STK32B: variants seen among roughly 807,000 people sequenced by gnomAD.
The protein encoded by STK32B is serine/threonine kinase 32B.
A neutral mutation model predicts 52.6 loss-of-function variants in STK32B; 43 were observed. The ratio of observed to expected loss-of-function variants is 0.82; its 90% confidence interval spans 0.64 to 1.05. The LOEUF is 1.05. Among genes scored for constraint, STK32B ranks in the 50% least tolerant of loss-of-function variants. The pLI, the probability that STK32B is intolerant of heterozygous loss-of-function variation, is 0.00. For synonymous variants in STK32B, 238 were observed against 204.3 expected (o/e 1.17, Z -1.41); for missense variants, 621 against 534.6 (o/e 1.16, Z -1.59).
chr4:5,127,078 T>A (rs1468998547), intron 1 of STK32B: 1 of 508,354 alleles, frequency 2.0e-6, no homozygotes, highest in Non-Finnish European at 3.9e-6. Flanking sequence ...GCTGCCTAAG[T>A]GCTTTATTCA....
At chr4:5,243,640 T>C (rs375714587) in intron 3 of STK32B, among the ~76,000 whole-genome samples, 58 of 152,088 alleles carry the variant, frequency 3.8e-4, no homozygotes, top group Admixed American at 1.8e-3. Context: ...TGAGAGAGGG[T>C]ATCCCTGTCT....
intron 4 of STK32B, among the ~76,000 whole-genome samples, chr4:5,337,085 C>T (rs1732756353): frequency 6.6e-6 from 1 of 151,982 alleles, no homozygotes; most frequent in Non-Finnish European, 1.5e-5. Flanking sequence ...CTCAAGTGAT[C>T]CTCCCACCTC....
At chr4:5,477,163 G>A (rs749195688) in intron 11 of STK32B, among the ~76,000 whole-genome samples, 2 of 152,104 alleles carry the variant, frequency 1.3e-5, no homozygotes, top group South Asian at 2.1e-4. Context: ...TGTAACCCTC[G>A]ATTTCTCCTC....
intron 3 of STK32B, among the ~76,000 whole-genome samples, chr4:5,296,725 A>G (rs1250863408): frequency 6.6e-6 from 1 of 152,162 alleles, no homozygotes; most frequent in Non-Finnish European, 1.5e-5. Flanking sequence ...CCAATTTGCC[A>G]GTCTGTGCCT....
intron 2 of STK32B, among the ~76,000 whole-genome samples, chr4:5,156,093 A>ATATACATATATACACTCAATGTATATG (rs1328422111): frequency 1.3e-5 from 2 of 151,994 alleles, no homozygotes; most frequent in East Asian, 3.9e-4. Flanking sequence ...ATGTATATGC[A>ATATACATATATACACTCAATGTATATG]TATACATATA....
intron 3 of STK32B, among the ~76,000 whole-genome samples, chr4:5,223,674 A>C (rs1222741061): frequency 6.6e-6 from 1 of 151,980 alleles, no homozygotes. Flanking sequence ...AAAATTAGCC[A>C]GGCGTGGTGG....
chr4:5,458,225 G>A (rs1268487164), intron 8 of STK32B, among the ~76,000 whole-genome samples: 1 of 152,176 alleles, frequency 6.6e-6, no homozygotes, highest in Non-Finnish European at 1.5e-5. Flanking sequence ...GGGAGATCTT[G>A]GTGCCCTGCC....
At chr4:5,462,396 G>A (rs534106137) in intron 9 of STK32B, among the ~76,000 whole-genome samples, 2 of 148,796 alleles carry the variant, frequency 1.3e-5, no homozygotes, top group South Asian at 2.1e-4. Context: ...CTGTGTGTGT[G>A]TGTGCATCTG....
intron 7 of STK32B, among the ~76,000 whole-genome samples, chr4:5,454,071 C>T (rs1483098915): frequency 1.3e-5 from 2 of 152,154 alleles, no homozygotes; most frequent in Non-Finnish European, 2.9e-5. Flanking sequence ...ATTCCACCCC[C>T]GACCTCTCTT....
chr4:5,290,167 C>T (rs1023822861), intron 3 of STK32B, among the ~76,000 whole-genome samples: 3 of 152,104 alleles, frequency 2.0e-5, no homozygotes, highest in Non-Finnish European at 2.9e-5. Flanking sequence ...CAGCCACGGA[C>T]GCCCATCTTC....
the STK32B span, among the ~76,000 whole-genome samples, chr4:5,032,587 C>T: frequency 6.6e-6 from 1 of 151,238 alleles, no homozygotes; most frequent in Non-Finnish European, 1.5e-5. Context: ...TGACCAGTTT[C>T]TAGAGCTATA....
At chr4:5,457,504 C>T (rs535088761) in intron 8 of STK32B, among the ~76,000 whole-genome samples, 46 of 151,278 alleles carry the variant, frequency 3.0e-4, no homozygotes, top group African/African-American at 1.0e-3. Flanking sequence ...CGTGAGCCAC[C>T]GTGCCCAGCC....
intron 1 of STK32B, among the ~76,000 whole-genome samples, chr4:5,130,588 C>G (rs935034347): frequency 1.3e-5 from 2 of 152,076 alleles, no homozygotes; most frequent in Non-Finnish European, 2.9e-5. Flanking sequence ...CTGCAGTGGT[C>G]TAATCTGTTG....
rs553223032 is a variant in STK32B at position 5,355,452 on chromosome 4, T to C, written c.434+24059T>C. Among the ~76,000 whole-genome samples the C allele has an allele frequency of 2.0e-5, 3 of 152,330 alleles. No homozygotes were observed. In the South Asian group the frequency reaches 6.2e-4, roughly 32 times the overall value. On this transcript the variant is annotated intron_variant, in intron 4 of 11. Transcript: ENST00000282908. Reference sequence around the variant, plus strand: ...TCTTCTTCCTTTGCATGATTATCTCTCTTTAAGAAATGCTTTTATTTGTTC... The same window carrying C: ...TCTTCTTCCTTTGCATGATTATCTCCCTTTAAGAAATGCTTTTATTTGTTC...
chr4:5,253,205 C>T (rs940040667), intron 3 of STK32B, among the ~76,000 whole-genome samples: 1 of 152,068 alleles, frequency 6.6e-6, no homozygotes, highest in Non-Finnish European at 1.5e-5. Flanking sequence ...TTACATTGCT[C>T]CCTCTGTCTA....
Position 5,349,532 on chromosome 4 carries a change from T to A in STK32B, c.434+18139T>A, listed in dbSNP as rs544659421. Among the ~76,000 whole-genome samples, 36 of 151,956 alleles carry A rather than the reference T, an allele frequency of 2.4e-4. No homozygotes were observed. In the South Asian group the frequency reaches 7.5e-3, roughly 32 times the overall value. On this transcript the variant is annotated intron_variant, in intron 4 of 11. Transcript: ENST00000282908. ...TTCAAAAAATTGAAAAAAGTGACTA[T>A]TATGCCAGATGCACAGGTAACAATG...
rs145985333 is a variant in STK32B, at chr4:5,181,655, G to A, written c.260+13205G>A. Among the ~76,000 whole-genome samples, 214 of 152,312 alleles carry A rather than the reference G, an allele frequency of 1.4e-3. 1 individual carries two copies. Among genetic ancestry groups the A allele is most frequent in the African/African-American group, 4.8e-3 (200 of 41,576 alleles). ...TGCAGTGTATATAAAAGTTGTTTACGCCATACTGTAGTCGATTAAGTGTGC... is the reference window on the plus strand; with the variant it reads ...TGCAGTGTATATAAAAGTTGTTTACACCATACTGTAGTCGATTAAGTGTGC... On this transcript the variant is annotated intron_variant, in intron 3 of 11. Transcript: ENST00000282908.
intron 3 of STK32B, among the ~76,000 whole-genome samples, chr4:5,300,591 A>T (rs1322493238): frequency 6.6e-6 from 1 of 152,198 alleles, no homozygotes; most frequent in African/African-American, 2.4e-5. Context: ...ATGTTTCAGG[A>T]TACAAAATAA....
At chr4:5,297,709 T>C (rs1182570446) in intron 3 of STK32B, among the ~76,000 whole-genome samples, 1 of 151,990 alleles carries the variant, frequency 6.6e-6, no homozygotes. Flanking sequence ...CTTAGCTTCC[T>C]TGCATTAGGT....
Sources: gnomAD v4.1 joint callset for allele counts (sites outside exome capture counted in the v4.1 genomes callset) on GRCh38, gnomAD v4.1.1 for gene constraint, MANE v1.5 for transcripts, NCBI Gene and HGNC (gene_info 2026-07-23, HGNC 2026-07-21) for gene names.